The following SGCD variants were observed in gnomAD, a reference collection of about 807,000 sequenced individuals.
SGCD encodes sarcoglycan delta.
In SGCD, 18 loss-of-function variants were observed where a neutral mutation model predicts 36.6. That is an observed-to-expected ratio of 0.49 (90% CI 0.34 to 0.73). The LOEUF (loss-of-function observed/expected upper bound fraction) is 0.73, where lower values mean the gene tolerates loss of function less well. Among genes scored for constraint, SGCD ranks in the 30% least tolerant of loss-of-function variants. The pLI, the probability that SGCD is intolerant of heterozygous loss-of-function variation, is 0.01. For missense variants in SGCD, 387 were observed against 346.7 expected (o/e 1.12, Z -0.92); for synonymous variants, 133 against 130.6 (o/e 1.02, Z -0.12).
intron 1 of SGCD, among the ~76,000 whole-genome samples, chr5:155,992,710 C>G (rs1380208052): frequency 6.6e-6 from 1 of 152,146 alleles, no homozygotes; most frequent in Non-Finnish European, 1.5e-5. Flanking sequence ...GCTCATGGTT[C>G]CATTAATCAG....
intron 3 of SGCD, among the ~76,000 whole-genome samples, chr5:156,386,215 T>C (rs889262353): frequency 6.6e-6 from 1 of 152,170 alleles, no homozygotes; most frequent in African/African-American, 2.4e-5. Flanking sequence ...CTGAGGACCC[T>C]ATAGTGTGTA....
chr5:156,447,827 C>G (rs1319862315), intron 3 of SGCD, among the ~76,000 whole-genome samples: 2 of 152,148 alleles, frequency 1.3e-5, no homozygotes, highest in Non-Finnish European at 2.9e-5. Flanking sequence ...TCATAGCAAT[C>G]ATTACCTGTT....
intron 1 of SGCD, among the ~76,000 whole-genome samples, chr5:155,956,804 C>CCG (rs1554107001): frequency 2.7e-5 from 4 of 150,590 alleles, no homozygotes; most frequent in African/African-American, 9.8e-5. Context: ...AGGGCCCCCC[C>CCG]CCCCGGTTAA....
intron 3 of SGCD, among the ~76,000 whole-genome samples, chr5:156,367,008 C>G (rs1400007724): frequency 2.6e-5 from 4 of 152,184 alleles, no homozygotes; most frequent in Admixed American, 2.6e-4. Flanking sequence ...ATAACTTCTA[C>G]ACCCTCAGTT....
the SGCD span, among the ~76,000 whole-genome samples, chr5:155,758,764 A>G: frequency 6.6e-6 from 1 of 152,166 alleles, no homozygotes; most frequent in Non-Finnish European, 1.5e-5. Flanking sequence ...AGTCCATGGA[A>G]AAATTGTCTT....
intron 3 of SGCD, among the ~76,000 whole-genome samples, chr5:156,410,919 GA>G (rs200996097): frequency 4.7e-5 from 7 of 148,966 alleles, no homozygotes; most frequent in Non-Finnish European, 8.9e-5. Flanking sequence ...TTCATGAAAT[GA>G]AAAAAAAACA....
At chr5:155,756,723 A>G in the SGCD span, among the ~76,000 whole-genome samples, 4 of 152,202 alleles carry the variant, frequency 2.6e-5, no homozygotes, top group Non-Finnish European at 5.9e-5. Context: ...GAGAAATGCA[A>G]GGTGTTTTGC....
At chr5:156,540,625 T>C (rs890224822) in intron 4 of SGCD, among the ~76,000 whole-genome samples, 2 of 152,208 alleles carry the variant, frequency 1.3e-5, no homozygotes, top group Non-Finnish European at 2.9e-5. Context: ...TGTCATTAAT[T>C]TAACAAGTAT....
At chr5:155,988,683 A>G (rs528664853) in intron 1 of SGCD, among the ~76,000 whole-genome samples, 3 of 152,326 alleles carry the variant, frequency 2.0e-5, no homozygotes, top group African/African-American at 7.2e-5. Context: ...TTGAAGATTA[A>G]AAGATGTTTG....
chr5:156,461,622 T>A (rs1305790249), intron 3 of SGCD, among the ~76,000 whole-genome samples: 1 of 152,074 alleles, frequency 6.6e-6, no homozygotes, highest in Non-Finnish European at 1.5e-5. Context: ...TTTTCTCGGG[T>A]CCTTTCCCTT....
At chr5:155,789,716 C>A in the SGCD span, among the ~76,000 whole-genome samples, 2 of 152,116 alleles carry the variant, frequency 1.3e-5, no homozygotes, top group East Asian at 3.9e-4. Flanking sequence ...AAACATAATA[C>A]TTTAAAAAAC....
At chr5:156,226,474 G>C (rs564910740) in intron 3 of SGCD, among the ~76,000 whole-genome samples, 8 of 152,098 alleles carry the variant, frequency 5.3e-5, no homozygotes, top group Non-Finnish European at 1.0e-4. Context: ...TGATTGATGG[G>C]CATTTGGGTT....
intron 1 of SGCD, among the ~76,000 whole-genome samples, chr5:155,983,368 C>T (rs1447353682): frequency 2.0e-5 from 3 of 152,256 alleles, no homozygotes; most frequent in Non-Finnish European, 4.4e-5. Context: ...GGCATGATCT[C>T]GGCTCACTGC....
chr5:155,940,873 AAC>A (rs200260395), intron 1 of SGCD, among the ~76,000 whole-genome samples: 36,235 of 147,416 alleles, frequency 0.25, 4,938 homozygotes, highest in Admixed American at 0.42. Context: ...CAACAACAAC[AAC>A]AAAAAAAACA....
At chr5:156,013,460 C>CT (rs1033068676) in intron 1 of SGCD, among the ~76,000 whole-genome samples, 8 of 152,154 alleles carry the variant, frequency 5.3e-5, no homozygotes, top group African/African-American at 1.7e-4. Flanking sequence ...CTGGCTTATC[C>CT]TTGCCTTGGT....
intron 3 of SGCD, among the ~76,000 whole-genome samples, chr5:156,300,830 C>T (rs1767034647): frequency 6.6e-6 from 1 of 152,008 alleles, no homozygotes; most frequent in South Asian, 2.1e-4. Context: ...ATTGTTAAAT[C>T]CTGTTGCTGA....
At chr5:156,031,826 T>C (rs181000176) in intron 1 of SGCD, among the ~76,000 whole-genome samples, 2 of 152,284 alleles carry the variant, frequency 1.3e-5, no homozygotes, top group Admixed American at 6.5e-5. Context: ...TTAACCAAGA[T>C]TTGAACCAAG....
In SGCD at chr5:156,080,446, C is replaced by A. The variant is rs1298779859; in HGVS notation, c.-281-37432C>A. 2.0e-5 allele frequency among the ~76,000 whole-genome samples: 3 copies of A among 152,198 alleles called. No individual in the cohort carries two copies. The East Asian group carries it at 5.8e-4, about 29-fold the overall frequency. ...TGCCTTGAAAACTTGCTTTTCTTTTCCATAATATGGCAAGGCTGCAGATTT... is the reference window on the plus strand; with the variant it reads ...TGCCTTGAAAACTTGCTTTTCTTTTACATAATATGGCAAGGCTGCAGATTT... On this transcript the variant is annotated intron_variant, in intron 1 of 9. Coordinates refer to the SGCD transcript ENST00000517913.
rs529250598 is a variant in SGCD at position 156,603,827 on chromosome 5, T to C, written c.502+8776T>C. ...TTGTGGTATAACATGTGATCTATTT[T>C]GGAGAATGTTAAACGTGTAATTGAA... On this transcript the variant is annotated intron_variant, in intron 6 of 8. Transcript: ENST00000337851. Among the ~76,000 whole-genome samples the C allele has an allele frequency of 2.0e-5, 3 of 152,194 alleles. No individual in the cohort carries two copies. The South Asian group carries it at 6.2e-4, about 32-fold the overall frequency.
Sources: allele counts gnomAD v4.1 joint callset (sites outside exome capture counted in the v4.1 genomes callset), GRCh38; gene constraint gnomAD v4.1.1; transcripts MANE v1.5; gene names NCBI Gene and HGNC (gene_info 2026-07-23, HGNC 2026-07-21).